Variants in ENTREP2 observed in about 807,000 individuals in gnomAD.
ENTREP2 encodes protein ENTREP2.
the ENTREP2 span, among the ~76,000 whole-genome samples, chr15:29,489,536 C>T: frequency 0.041 from 6,169 of 152,172 alleles, 401 homozygotes; most frequent in African/African-American, 0.14. Flanking sequence ...TAAGAGCAGT[C>T]CAAAAACTAT....
At chr15:29,581,518 T>C in the ENTREP2 span, among the ~76,000 whole-genome samples, 1 of 152,100 alleles carries the variant, frequency 6.6e-6, no homozygotes, top group African/African-American at 2.4e-5. Context: ...TGGCCAAATA[T>C]CTGGGTACTG....
chr15:29,563,178 C>T, the ENTREP2 span, among the ~76,000 whole-genome samples: 4 of 152,150 alleles, frequency 2.6e-5, no homozygotes, highest in African/African-American at 7.2e-5. Context: ...CCCAGTTACA[C>T]AATGTAACCT....
chr15:29,473,857 GACA>G, the ENTREP2 span, among the ~76,000 whole-genome samples: 1 of 152,136 alleles, frequency 6.6e-6, no homozygotes, highest in African/African-American at 2.4e-5. Context: ...ACTCATTCAT[GACA>G]ACGAGGACAT....
chr15:29,219,638 T>A, the ENTREP2 span, among the ~76,000 whole-genome samples: 3 of 37,224 alleles, frequency 8.1e-5, no homozygotes, highest in South Asian at 1.7e-3. Context: ...TATATATATA[T>A]ATATATATAT....
At chr15:29,255,218 AC>A in the ENTREP2 span, among the ~76,000 whole-genome samples, 74 of 152,326 alleles carry the variant, frequency 4.9e-4, 2 homozygotes, top group South Asian at 0.015. Context: ...TTTTTGTGCT[AC>A]AGGTGCTGTT....
the ENTREP2 span, among the ~76,000 whole-genome samples, chr15:29,451,925 C>G: frequency 1.3e-5 from 2 of 152,232 alleles, no homozygotes; most frequent in Non-Finnish European, 2.9e-5. Context: ...ATTTTAATAT[C>G]AGGGCCAAAA....
the ENTREP2 span, among the ~76,000 whole-genome samples, chr15:29,229,456 G>T: frequency 1.3e-5 from 2 of 152,072 alleles, no homozygotes; most frequent in Non-Finnish European, 2.9e-5. Flanking sequence ...TGAGCTTATG[G>T]AAAGAGACAT....
the ENTREP2 span, among the ~76,000 whole-genome samples, chr15:29,614,842 A>G: frequency 2.0e-5 from 3 of 152,014 alleles, no homozygotes; most frequent in Non-Finnish European, 4.4e-5. Context: ...AGATTGCTTG[A>G]GCTTAGATGT....
the ENTREP2 span, among the ~76,000 whole-genome samples, chr15:29,348,863 T>C: frequency 6.6e-6 from 1 of 152,186 alleles, no homozygotes; most frequent in Non-Finnish European, 1.5e-5. Flanking sequence ...TAAATGAAAA[T>C]TTAATCATGA....
At chr15:29,182,394 G>T in the ENTREP2 span, among the ~76,000 whole-genome samples, 30 of 151,966 alleles carry the variant, frequency 2.0e-4, no homozygotes, top group African/African-American at 7.2e-4. Flanking sequence ...GAAAGTGCTG[G>T]GATTACAGGC....
At chr15:29,666,056 C>T in the ENTREP2 span, among the ~76,000 whole-genome samples, 7 of 151,822 alleles carry the variant, frequency 4.6e-5, no homozygotes, top group Non-Finnish European at 7.4e-5. Context: ...GGGGTTTCAC[C>T]ATGTTGGCCA....
chr15:29,293,734 C>T, the ENTREP2 span, among the ~76,000 whole-genome samples: 2,389 of 152,276 alleles, frequency 0.016, 66 homozygotes, highest in African/African-American at 0.056. Context: ...CTCGGGGAAG[C>T]GTGGAAGTTG....
the ENTREP2 span, among the ~76,000 whole-genome samples, chr15:29,612,063 A>G: frequency 1.3e-5 from 2 of 152,210 alleles, no homozygotes; most frequent in African/African-American, 4.8e-5. Flanking sequence ...TTTTAATCAG[A>G]TACCAGCTTT....
At chr15:29,601,550 T>C in the ENTREP2 span, among the ~76,000 whole-genome samples, 8 of 152,082 alleles carry the variant, frequency 5.3e-5, no homozygotes, top group Non-Finnish European at 1.2e-4. Flanking sequence ...TCTGGCTGTA[T>C]ATCTAGAGTT....
chr15:29,511,349 T>TC, the ENTREP2 span, among the ~76,000 whole-genome samples: 1 of 151,692 alleles, frequency 6.6e-6, no homozygotes, highest in Non-Finnish European at 1.5e-5. Flanking sequence ...CTTTTCTTTT[T>TC]TTTTTTTTTG....
chr15:29,374,757 T>TCCA, the ENTREP2 span: 1 of 152,204 alleles, frequency 6.6e-6, no homozygotes, highest in East Asian at 1.9e-4. Context: ...TTCCATATTT[T>TCCA]TGTTGAAAAA....
At chr15:29,664,976 T>C in the ENTREP2 span, among the ~76,000 whole-genome samples, 1 of 152,204 alleles carries the variant, frequency 6.6e-6, no homozygotes, top group Non-Finnish European at 1.5e-5. Context: ...TCCGGTTTTC[T>C]GAAGTCCTTA....
the ENTREP2 span, among the ~76,000 whole-genome samples, chr15:29,651,194 T>A: frequency 6.6e-6 from 1 of 152,214 alleles, no homozygotes; most frequent in Non-Finnish European, 1.5e-5. Context: ...CGTAATTGAT[T>A]GGAGCTTGCT....
the ENTREP2 span, among the ~76,000 whole-genome samples, chr15:29,625,465 G>A: frequency 2.0e-5 from 3 of 151,522 alleles, no homozygotes; most frequent in Admixed American, 1.3e-4. Flanking sequence ...GCACCATCTC[G>A]GCTCACTGCA....
Sources: allele counts gnomAD v4.1 joint callset (sites outside exome capture counted in the v4.1 genomes callset), GRCh38; gene constraint gnomAD v4.1.1; transcripts MANE v1.5; gene names NCBI Gene and HGNC (gene_info 2026-07-23, HGNC 2026-07-21).